Variants in SCTR observed in about 807,000 individuals in gnomAD.
SCTR encodes the protein secretin receptor.
Under a neutral mutation model 60.8 loss-of-function variants are expected in SCTR, and 56 were observed. That is an observed-to-expected ratio of 0.92 (90% CI 0.74 to 1.15). The LOEUF is 1.15. Among genes scored for constraint, SCTR ranks in the 50% most tolerant of loss-of-function variants. The pLI, the probability that SCTR is intolerant of heterozygous loss-of-function variation, is 0.00. For missense variants in SCTR, 562 were observed against 550.4 expected, an observed-to-expected ratio of 1.02 and a Z score of -0.21; for synonymous variants, 202 against 217.0, an observed-to-expected ratio of 0.93 and a Z score of 0.61.
At chr2:119,477,699 C>T (rs1237511677) in intron 3 of SCTR, among the ~76,000 whole-genome samples, 2 of 152,226 alleles carry the variant, frequency 1.3e-5, no homozygotes, top group Non-Finnish European at 2.9e-5. Flanking sequence ...GATCCGCCCA[C>T]CTCGGCCTCC....
At chr2:119,491,654 G>C (rs577924642) in intron 2 of SCTR, among the ~76,000 whole-genome samples, 1 of 152,258 alleles carries the variant, frequency 6.6e-6, no homozygotes, top group South Asian at 2.1e-4. Flanking sequence ...TGGGATTACA[G>C]GCGCCCACAA....
Position 119,440,016 on chromosome 2 carries a change from A to T in SCTR, c.*101T>A. 6.3e-6 allele frequency: 8 copies of T among 1,267,130 alleles called. No individual in the cohort carries two copies. Among genetic ancestry groups the T allele is most frequent in the Non-Finnish European group, 5.5e-6 (5 of 910,824 alleles). 78.5% of individuals were successfully genotyped at this position (1,267,130 alleles called of 1,614,324 possible). A position where few individuals can be genotyped will look rare whatever the true frequency, so the allele number is the denominator to read the frequency against. On this transcript the variant is annotated 3_prime_UTR_variant, in exon 13 of 13. Coordinates refer to ENST00000019103, the MANE Select transcript of SCTR (RefSeq NM_002980.3). ...GAGGGGCATCTTCAGCTGAAGGAGG[A>T]CACAGGGTGTCTGCTGGGAAGACTG... is the stretch of plus-strand genomic sequence containing the variant.
At chr2:119,522,759 AC>A (rs1315393906) in intron 1 of SCTR, among the ~76,000 whole-genome samples, 1 of 151,758 alleles carries the variant, frequency 6.6e-6, no homozygotes, top group Admixed American at 6.6e-5. Context: ...TGCCTCTCCC[AC>A]CCCCAGCCAC....
chr2:119,471,335 G>A (rs1284578514), intron 4 of SCTR, among the ~76,000 whole-genome samples: 1 of 152,008 alleles, frequency 6.6e-6, no homozygotes, highest in Non-Finnish European at 1.5e-5. Flanking sequence ...TGATAGAACT[G>A]TTCCTCTGCA....
At chr2:119,501,441 G>A (rs1264649949) in intron 1 of SCTR, among the ~76,000 whole-genome samples, 2 of 152,016 alleles carry the variant, frequency 1.3e-5, no homozygotes, top group African/African-American at 2.4e-5. Flanking sequence ...CTTGGAGGTA[G>A]AGAATAGAAT....
intron 2 of SCTR, chr2:119,486,556 T>C (rs1396146208): frequency 6.6e-6 from 1 of 152,196 alleles, no homozygotes; most frequent in Non-Finnish European, 1.5e-5. Flanking sequence ...TCTGTCTTTG[T>C]TTGTTTTCTC....
rs772583755 is a variant in SCTR, at chr2:119,448,725, G to A, written c.977C>T (p.Thr326Ile). 9.4e-6 allele frequency: 15 copies of A among 1,602,436 alleles called. No individual in the cohort carries two copies. The highest frequency in any genetic ancestry group is 1.3e-5 in the Non-Finnish European group (15 of 1,169,550). The part of the protein sequence containing the change: ...ILRILMRKLR[T>I]QETRGNEVSH... Reference sequence around the variant, plus strand: ...GACTTCATTTCCTCTTGTTTCTTGGGTTCTAAGTTTTCTCATCAGGATTCT... The same window carrying A: ...GACTTCATTTCCTCTTGTTTCTTGGATTCTAAGTTTTCTCATCAGGATTCT... Residue 326 changes from threonine (T) to isoleucine (I), a missense_variant, in exon 10 of 13, where the codon ACC becomes ATC. Transcript: ENST00000019103.
intron 1 of SCTR, among the ~76,000 whole-genome samples, chr2:119,515,178 C>A (rs1679075081): frequency 6.6e-6 from 1 of 152,188 alleles, no homozygotes; most frequent in Admixed American, 6.5e-5. Context: ...AGCTCATGGT[C>A]TCCAACAGGG....
rs1189518791 is a variant in SCTR at position 119,464,154 on chromosome 2, G to A, written c.605C>T (p.Ser202Leu). 1.9e-6 allele frequency: 3 copies of A among 1,614,094 alleles called. No individual in the cohort carries two copies. Among genetic ancestry groups the A allele is most frequent in the Non-Finnish European group, 2.5e-6 (3 of 1,180,048 alleles). The change falls in exon 6 of 13, where the codon TCA becomes TTA. Residue 202 changes from serine (S) to leucine (L), a missense_variant. Transcript: ENST00000019103. The part of the protein sequence containing the change: ...NFIKDAVLFS[S>L]DDVTYCDAHR... ...GGCATCGCAGTAGGTGACATCATCT[G>A]AGGAGAAGAGCACGGCGTCCTTGAT...
intron 1 of SCTR, among the ~76,000 whole-genome samples, chr2:119,521,227 C>T (rs180919621): frequency 4.6e-5 from 7 of 152,340 alleles, no homozygotes; most frequent in South Asian, 4.1e-4. Flanking sequence ...CCTTGAGTGA[C>T]TCTTTCTCTA....
rs150893145 is a variant in SCTR at position 119,445,311 on chromosome 2, G to C, written c.1140+1448C>G. Among the ~76,000 whole-genome samples the C allele has an allele frequency of 3.3e-5, 5 of 152,324 alleles. No homozygotes were observed. The East Asian group carries it at 9.6e-4, about 29-fold the overall frequency. On this transcript the variant is annotated intron_variant, in intron 11 of 12. Coordinates refer to ENST00000019103, the MANE Select transcript of SCTR (RefSeq NM_002980.3). ...CTCCCTGGACGTTACAAGAGCAGTG[G>C]TGAGGAAAGCTAGCTCCCTGGCCCC...
chr2:119,508,385 T>TCTTC (rs1315809325), intron 1 of SCTR, among the ~76,000 whole-genome samples: 2 of 38,776 alleles, frequency 5.2e-5, no homozygotes, highest in East Asian at 2.8e-3. Flanking sequence ...TTCTTCTTCT[T>TCTTC]TTTTTTTTTT....
At chr2:119,507,485 T>C (rs1384944391) in intron 1 of SCTR, among the ~76,000 whole-genome samples, 1 of 152,008 alleles carries the variant, frequency 6.6e-6, no homozygotes, top group South Asian at 2.1e-4. Context: ...GTCAGGGGAA[T>C]AGGGGAAGAA....
intron 11 of SCTR, 122 bp from the exon 12 acceptor site, chr2:119,441,721 C>A: frequency 1.2e-6 from 1 of 835,714 alleles, no homozygotes; most frequent in South Asian, 1.5e-5. Context: ...TTCCCCACCT[C>A]TCTTGCCTCA....
chr2:119,453,336 T>G lies in SCTR; in HGVS notation c.802A>C (p.Ile268Leu). The change falls in exon 8 of 13, where the codon ATT becomes CTT. Residue 268 changes from isoleucine (I) to leucine (L), a missense_variant. Ile to Leu is a conservative substitution (Grantham distance 5). Transcript: ENST00000019103. ...FVAFGWGSPA[I>L]FVALWAIARH... ...GCAATAGCCCACAAAGCAACAAAAA[T>G]GGCTGGAGAACCTGAGGATTAAAAA... 2 of 1,613,644 alleles carry G rather than the reference T, an allele frequency of 1.2e-6. No individual in the cohort carries two copies. The highest frequency in any genetic ancestry group is 4.5e-5 in the East Asian group (2 of 44,888).
At chr2:119,494,065 A>T (rs1678250400) in intron 2 of SCTR, among the ~76,000 whole-genome samples, 1 of 152,134 alleles carries the variant, frequency 6.6e-6, no homozygotes, top group Admixed American at 6.5e-5. Context: ...TGCCTTTCCT[A>T]CTACCTCACT....
At chr2:119,472,071 G>A (rs1677045469) in intron 4 of SCTR, among the ~76,000 whole-genome samples, 2 of 152,220 alleles carry the variant, frequency 1.3e-5, no homozygotes, top group African/African-American at 4.8e-5. Context: ...ATTTGTCACC[G>A]TGATTTTGCC....
At chr2:119,460,704 C>T (rs888091209) in intron 7 of SCTR, among the ~76,000 whole-genome samples, 7 of 152,108 alleles carry the variant, frequency 4.6e-5, no homozygotes, top group East Asian at 1.9e-4. Context: ...AGTTGTTTGT[C>T]GTCTTCATTG....
intron 7 of SCTR, among the ~76,000 whole-genome samples, chr2:119,454,457 C>A (rs1683293922): frequency 6.6e-6 from 1 of 152,024 alleles, no homozygotes; most frequent in Admixed American, 6.5e-5. Context: ...TACACCAGCG[C>A]TCAAGGTGGC....
Sources: gnomAD v4.1 joint callset for allele counts (sites outside exome capture counted in the v4.1 genomes callset) on GRCh38, gnomAD v4.1.1 for gene constraint, MANE v1.5 for transcripts, NCBI Gene and HGNC (gene_info 2026-07-23, HGNC 2026-07-21) for gene names.